DYM: variants seen among roughly 807,000 people sequenced by gnomAD.
DYM encodes dymeclin, also known as dyggve-Melchior-Clausen syndrome protein.
DYM carries 78 observed loss-of-function variants against 93.1 expected under a neutral mutation model. The observed-to-expected ratio is 0.84, with a 90% confidence interval of 0.70 to 1.01. DYM has a LOEUF of 1.01. Ranked by LOEUF, DYM falls within the 50% of genes least tolerant of loss-of-function variation. The pLI is 0.00. For synonymous variants in DYM, 321 were observed against 319.7 expected, an observed-to-expected ratio of 1.00 and a Z score of -0.04; for missense variants, 789 against 845.0, an observed-to-expected ratio of 0.93 and a Z score of 0.82.
At position 49,206,011 on chromosome 18, in the gene DYM, G is replaced by GTTTTTTTTTT. The variant is rs61590334; in HGVS notation, c.1625+3539_1625+3540insAAAAAAAAAA. ...GGTAGAGTTTTTTTTTTGTTTTTTT[G>GTTTTTTTTTT]TTTTTTGCGGAGTCTTGCTCTGTGT... On this transcript the variant is annotated intron_variant, in intron 14 of 17. Coordinates refer to ENST00000675505, the MANE Select transcript of DYM (RefSeq NM_001353214.3). The GTTTTTTTTTT allele has an allele frequency of 3.5e-4, 48 of 135,970 alleles. 2 individuals are homozygous for GTTTTTTTTTT. Among genetic ancestry groups the GTTTTTTTTTT allele is most frequent in the Non-Finnish European group, 4.1e-4 (27 of 65,566 alleles). 8.4% of individuals were successfully genotyped at this position (135,970 alleles called of 1,614,324 possible).
chr18:49,104,745 T>C (rs965770783), intron 16 of DYM, among the ~76,000 whole-genome samples: 5 of 152,242 alleles, frequency 3.3e-5, no homozygotes, highest in Admixed American at 2.0e-4. Flanking sequence ...CAGCCTTGCA[T>C]CCTAGGGATG....
chr18:49,139,035 T>C (rs1321094445), intron 15 of DYM, among the ~76,000 whole-genome samples: 2 of 152,182 alleles, frequency 1.3e-5, no homozygotes, highest in African/African-American at 4.8e-5. Context: ...GATGAACCTA[T>C]TAACTGTACA....
chr18:49,363,074 A>G (rs1255993928), intron 6 of DYM, 87 bp downstream of exon 6: 2 of 1,047,206 alleles, frequency 1.9e-6, no homozygotes, highest in Non-Finnish European at 3.0e-6. Flanking sequence ...AGTTCTATAC[A>G]AGGACCCACA....
At chr18:49,201,267 T>TA (rs139167385) in intron 14 of DYM, among the ~76,000 whole-genome samples, 206 of 152,356 alleles carry the variant, frequency 1.4e-3, no homozygotes, top group African/African-American at 4.8e-3. Flanking sequence ...TATTTCATAC[T>TA]ACACCATTTC....
At chr18:49,371,575 A>G (rs1290116446) in intron 5 of DYM, among the ~76,000 whole-genome samples, 1 of 152,222 alleles carries the variant, frequency 6.6e-6, no homozygotes, top group African/African-American at 2.4e-5. Context: ...CTAAGGATTT[A>G]AAATATTGGA....
intron 15 of DYM, among the ~76,000 whole-genome samples, chr18:49,143,577 G>T (rs1282018403): frequency 6.6e-6 from 1 of 152,112 alleles, no homozygotes; most frequent in Non-Finnish European, 1.5e-5. Context: ...GAGAGGTTAA[G>T]TAAGGTCAAG....
At chr18:49,359,064 G>A (rs1272910238) in intron 6 of DYM, among the ~76,000 whole-genome samples, 1 of 152,154 alleles carries the variant, frequency 6.6e-6, no homozygotes, top group African/African-American at 2.4e-5. Context: ...AACCCAGACA[G>A]TGTCACAAAT....
chr18:49,198,504 A>G (rs1257286235), intron 14 of DYM, among the ~76,000 whole-genome samples: 1 of 152,202 alleles, frequency 6.6e-6, no homozygotes, highest in Non-Finnish European at 1.5e-5. Context: ...CTAATATCCA[A>G]AATCTACAAA....
chr18:49,121,045 T>C (rs950334904), intron 15 of DYM, among the ~76,000 whole-genome samples: 7 of 152,096 alleles, frequency 4.6e-5, no homozygotes, highest in Admixed American at 4.6e-4. Context: ...CACAAAAAAG[T>C]AAGTAAAAGA....
At position 49,333,769 on chromosome 18, in the gene DYM, C is replaced by G; in HGVS notation, c.579G>C (p.Leu193Phe). 6.2e-7 allele frequency: 1 copy of G among 1,613,992 alleles called. No homozygotes were observed. The highest frequency in any genetic ancestry group is 8.5e-7 in the Non-Finnish European group (1 of 1,179,944). Residue 193 changes from leucine (L) to phenylalanine (F), a missense_variant, in exon 7 of 18, where the codon TTG (leucine) becomes TTC (phenylalanine). Physicochemically the swap from Leu to Phe is conservative, Grantham distance 22 (BLOSUM62 0). Coordinates refer to ENST00000675505, the MANE Select transcript of DYM (RefSeq NM_001353214.3). ...AATACTTGTGGCTGATGCTCTGTCG[C>G]AAAACTTCTTTGTGGAAGAGTTGGC... ...LSCQLFHKEVLRQSISHKYLM... is the reference protein window; with the variant it reads ...LSCQLFHKEVFRQSISHKYLM...
chr18:49,038,351 T>C lies in DYM; in HGVS notation c.*5704A>G, dbSNP rs1244801831. ...TGTCTAAATTTCCTATCAAATTTTC[T>C]TTTACATATTTTGAGTTTATATTTT... On this transcript the variant is annotated 3_prime_UTR_variant, in exon 18 of 18. Coordinates refer to ENST00000675505, the MANE Select transcript of DYM (RefSeq NM_001353214.3). Among the ~76,000 whole-genome samples, 9 of 152,224 alleles carry C rather than the reference T, an allele frequency of 5.9e-5. No individual in the cohort carries two copies.
intron 2 of DYM, among the ~76,000 whole-genome samples, chr18:49,398,817 G>A (rs750228541): frequency 6.6e-6 from 1 of 152,268 alleles, no homozygotes; most frequent in Non-Finnish European, 1.5e-5. Flanking sequence ...CACATTAGTA[G>A]TTGGCAAGAA....
intron 2 of DYM, among the ~76,000 whole-genome samples, chr18:49,398,661 T>C (rs1462202551): frequency 1.3e-5 from 2 of 152,196 alleles, no homozygotes; most frequent in Non-Finnish European, 2.9e-5. Context: ...GAAGCCTGAG[T>C]GTGTTCCTGA....
chr18:49,087,820 G>GTGA (rs2078684169), intron 17 of DYM, among the ~76,000 whole-genome samples: 1 of 152,052 alleles, frequency 6.6e-6, no homozygotes, highest in Admixed American at 6.6e-5. Context: ...TCTAACTGGT[G>GTGA]TGAGATGGTA....
At chr18:49,460,192 G>A (rs2083379144) in intron 1 of DYM, among the ~76,000 whole-genome samples, 1 of 152,140 alleles carries the variant, frequency 6.6e-6, no homozygotes, top group Admixed American at 6.5e-5. Flanking sequence ...CCCAACAGCG[G>A]ACTCGGACAG....
rs139704476 is a variant in DYM, at chr18:49,245,602, C to T, written c.1460+11408G>A. 9.9e-3 allele frequency among the ~76,000 whole-genome samples: 1,501 copies of T among 152,258 alleles called. 40 individuals carry two copies. The highest frequency in any genetic ancestry group is 0.075 in the South Asian group (359 of 4,818). On this transcript the variant is annotated intron_variant, in intron 13 of 17. Coordinates refer to ENST00000675505, the MANE Select transcript of DYM (RefSeq NM_001353214.3). The stretch of plus-strand genomic sequence containing the variant: ...CTGGTAAATTCTAATCAGACTGGTT[C>T]TCTGCTCTCGAACCCTATTTCCTGT...
chr18:49,053,188 AAGGGTCTGGTTTGGTGGTTG>A (rs1192915561), intron 17 of DYM, among the ~76,000 whole-genome samples: 6 of 152,204 alleles, frequency 3.9e-5, no homozygotes, highest in African/African-American at 1.2e-4. Context: ...GAGACAAAGC[AAGGGTCTGGTTTGGTGGTTG>A]AGACTTGGGT....
intron 8 of DYM, among the ~76,000 whole-genome samples, chr18:49,292,610 A>C (rs866092996): frequency 2.0e-4 from 21 of 104,274 alleles, no homozygotes; most frequent in East Asian, 5.0e-4. Flanking sequence ...AAAAAAAAAA[A>C]AAAAAAAAAA....
intron 8 of DYM, among the ~76,000 whole-genome samples, chr18:49,295,311 A>C (rs1401036816): frequency 6.6e-6 from 1 of 152,210 alleles, no homozygotes; most frequent in Non-Finnish European, 1.5e-5. Context: ...ATAAAAATAA[A>C]ATTTTAAAAC....
Sources: allele counts gnomAD v4.1 joint callset (sites outside exome capture counted in the v4.1 genomes callset), GRCh38; gene constraint gnomAD v4.1.1; transcripts MANE v1.5; gene names NCBI Gene and HGNC (gene_info 2026-07-23, HGNC 2026-07-21).